MYO10: variants seen among roughly 807,000 people sequenced by gnomAD.
The protein encoded by MYO10 is unconventional myosin-X.
MYO10 carries 133 observed loss-of-function variants against 257.3 expected under a neutral mutation model. The observed-to-expected ratio is 0.52, with a 90% CI of 0.45 to 0.60. The LOEUF (loss-of-function observed/expected upper bound fraction) is 0.60. MYO10 is among the 20% of genes least tolerant of loss of function. The probability of loss-of-function intolerance (pLI) is 0.00; values close to 1 mark genes in which losing one functional copy is unlikely to be tolerated. For missense variants in MYO10, 2,399 were observed against 2,635.7 expected (o/e 0.91, Z 1.97); for synonymous variants, 1,104 against 1,028.6 (o/e 1.07, Z -1.40).
intron 1 of MYO10, among the ~76,000 whole-genome samples, chr5:16,878,426 G>A (rs534453670): frequency 6.6e-6 from 1 of 152,310 alleles, no homozygotes; most frequent in South Asian, 2.1e-4. Context: ...GCAACTTCCA[G>A]ATCCCACGTT....
At chr5:16,849,894 G>C (rs538360884) in intron 2 of MYO10, among the ~76,000 whole-genome samples, 1 of 152,202 alleles carries the variant, frequency 6.6e-6, no homozygotes, top group African/African-American at 2.4e-5. Context: ...CATCTGCTTT[G>C]ACCCAAAAAC....
At chr5:16,795,216 G>C (rs916820968) in intron 3 of MYO10, among the ~76,000 whole-genome samples, 1 of 152,174 alleles carries the variant, frequency 6.6e-6, no homozygotes, top group Non-Finnish European at 1.5e-5. Context: ...AAAAAGTGAC[G>C]GGACAGAAAG....
intron 2 of MYO10, among the ~76,000 whole-genome samples, chr5:16,861,179 A>C (rs1446468897): frequency 1.3e-5 from 2 of 151,966 alleles, no homozygotes; most frequent in African/African-American, 2.4e-5. Flanking sequence ...GCAGCGTGGA[A>C]GCTGAGATTG....
intron 2 of MYO10, among the ~76,000 whole-genome samples, chr5:16,830,016 G>T (rs1743118301): frequency 6.6e-6 from 1 of 152,136 alleles, no homozygotes; most frequent in Non-Finnish European, 1.5e-5. Context: ...GAGGCAGGCG[G>T]ACCACGTGAG....
At chr5:16,809,149 G>A (rs1477471463) in intron 3 of MYO10, among the ~76,000 whole-genome samples, 5 of 151,144 alleles carry the variant, frequency 3.3e-5, no homozygotes, top group African/African-American at 7.3e-5. Flanking sequence ...TTTTGGCTAC[G>A]AGTCTTGATT....
At chr5:16,699,621 A>C (rs1176582310) in intron 25 of MYO10, 48 bp from the exon 26 acceptor site, 1 of 1,609,534 alleles carries the variant, frequency 6.2e-7, no homozygotes, top group East Asian at 2.2e-5. Context: ...GCCACAAAGC[A>C]AGCCACGAAG....
intron 2 of MYO10, among the ~76,000 whole-genome samples, chr5:16,830,926 G>T (rs73754011): frequency 6.6e-6 from 1 of 152,278 alleles, no homozygotes; most frequent in African/African-American, 2.4e-5. Context: ...GGGCAGGAGG[G>T]TAATGAGGAT....
At chr5:16,798,225 C>G (rs780729173) in intron 3 of MYO10, among the ~76,000 whole-genome samples, 1 of 152,250 alleles carries the variant, frequency 6.6e-6, no homozygotes, top group Middle Eastern at 3.4e-3. Flanking sequence ...GTGTGGTATC[C>G]TGTTTTGGCA....
intron 26 of MYO10, among the ~76,000 whole-genome samples, chr5:16,695,357 T>C (rs1737696296): frequency 6.6e-6 from 1 of 152,098 alleles, no homozygotes; most frequent in Non-Finnish European, 1.5e-5. Context: ...AGTTTACCCA[T>C]TTCCTTCCAT....
intron 1 of MYO10, among the ~76,000 whole-genome samples, chr5:16,892,263 C>G (rs1371566142): frequency 6.6e-6 from 1 of 152,168 alleles, no homozygotes; most frequent in Non-Finnish European, 1.5e-5. Context: ...TACTTGAGAT[C>G]TCTCTGCACA....
At chr5:16,726,108 A>T (rs1739357528) in intron 19 of MYO10, among the ~76,000 whole-genome samples, 2 of 152,128 alleles carry the variant, frequency 1.3e-5, no homozygotes, top group South Asian at 4.1e-4. Flanking sequence ...TTAACATTAA[A>T]TCCTTGCAGA....
In MYO10 at chr5:16,925,451, GAGTA is replaced by G. The variant is rs550905244; in HGVS notation, c.21+10333_21+10336del. 1.6e-4 allele frequency among the ~76,000 whole-genome samples: 25 copies of G among 152,228 alleles called. No homozygotes were observed. The South Asian group carries it at 4.8e-3, about 29-fold the overall frequency. On this transcript the variant is annotated intron_variant, in intron 1 of 40. Coordinates refer to ENST00000513610, the MANE Select transcript of MYO10 (RefSeq NM_012334.3). ...ATACTCCTGGGTTGCCCAGGCAACAGAGTAAGTAAGAGTAGGTGGTGCAATCTCG... is the reference window on the plus strand; with the variant it reads ...ATACTCCTGGGTTGCCCAGGCAACAGAGTAAGAGTAGGTGGTGCAATCTCG...
At chr5:16,905,217 T>C (rs555996811) in intron 1 of MYO10, among the ~76,000 whole-genome samples, 47 of 152,322 alleles carry the variant, frequency 3.1e-4, no homozygotes, top group African/African-American at 1.1e-3. Flanking sequence ...CCCAAGCTTC[T>C]GAAGGAAAGC....
intron 1 of MYO10, among the ~76,000 whole-genome samples, chr5:16,915,753 C>T (rs1181564563): frequency 6.6e-6 from 1 of 152,122 alleles, no homozygotes; most frequent in Non-Finnish European, 1.5e-5. Context: ...GTCAGGAGTT[C>T]GAGACCAGCC....
intron 11 of MYO10, among the ~76,000 whole-genome samples, chr5:16,764,774 C>T (rs1350987878): frequency 6.6e-6 from 1 of 152,078 alleles, no homozygotes; most frequent in African/African-American, 2.4e-5. Flanking sequence ...CAGCAACCTC[C>T]ACCTCCCAGG....
At chr5:16,890,377 T>C (rs1379650016) in intron 1 of MYO10, among the ~76,000 whole-genome samples, 5 of 151,860 alleles carry the variant, frequency 3.3e-5, no homozygotes, top group African/African-American at 1.2e-4. Flanking sequence ...GAAATTCCAC[T>C]GCTAGGTAAA....
At chr5:16,745,497 G>A (rs1313109754) in intron 19 of MYO10, among the ~76,000 whole-genome samples, 1 of 151,480 alleles carries the variant, frequency 6.6e-6, no homozygotes. Context: ...ACCAGCCTGG[G>A]CAACACAGTA....
rs73755163 is a variant in MYO10, at chr5:16,732,051, C to T, written c.1930-20806G>A. Reference sequence around the variant, plus strand: ...TCTGTGTGAGGAATAGGAGCAGGTCCGTGCTCTCCTGGAAGGGTGAGAGAT... The same window carrying T: ...TCTGTGTGAGGAATAGGAGCAGGTCTGTGCTCTCCTGGAAGGGTGAGAGAT... On this transcript the variant is annotated intron_variant, in intron 19 of 40. Transcript: ENST00000513610. Among the ~76,000 whole-genome samples, 1,202 of 152,162 alleles carry T rather than the reference C, an allele frequency of 7.9e-3. 17 individuals carry two copies. Among genetic ancestry groups the T allele is most frequent in the African/African-American group, 0.028 (1,153 of 41,516 alleles).
intron 33 of MYO10, among the ~76,000 whole-genome samples, chr5:16,677,168 G>A (rs943980405): frequency 6.6e-6 from 1 of 152,190 alleles, no homozygotes; most frequent in Admixed American, 6.5e-5. Flanking sequence ...CAGAAAAGTT[G>A]GAGGAGAGGT....
Sources: gnomAD v4.1 joint callset for allele counts (sites outside exome capture counted in the v4.1 genomes callset) on GRCh38, gnomAD v4.1.1 for gene constraint, MANE v1.5 for transcripts, NCBI Gene and HGNC (gene_info 2026-07-23, HGNC 2026-07-21) for gene names.